The following ANKHD1 variants were observed in gnomAD, a reference collection of about 807,000 sequenced individuals.
ANKHD1 encodes ankyrin repeat and KH domain-containing protein 1.
A neutral mutation model predicts 230.5 loss-of-function variants in ANKHD1; 31 were observed. The observed-to-expected ratio is 0.13, with a 90% CI of 0.10 to 0.18. The LOEUF (loss-of-function observed/expected upper bound fraction) is 0.18, where lower values mean the gene tolerates loss of function less well. Among genes scored for constraint, ANKHD1 ranks in the 10% least tolerant of loss-of-function variants. ANKHD1 has a pLI of 1.00. For missense variants in ANKHD1, 2,256 were observed against 3,071.3 expected (o/e 0.73, Z 6.27); for synonymous variants, 1,074 against 1,117.6 (o/e 0.96, Z 0.78).
At chr5:140,489,279 A>G (rs1010130683) in intron 14 of ANKHD1, among the ~76,000 whole-genome samples, 1 of 152,072 alleles carries the variant, frequency 6.6e-6, no homozygotes, top group Non-Finnish European at 1.5e-5. Context: ...AGGCCGAGGC[A>G]GAATGATCGA....
intron 8 of ANKHD1, 137 bp downstream of exon 8, chr5:140,458,999 T>TAC (rs1775494294): frequency 9.4e-5 from 4 of 42,344 alleles, no homozygotes; most frequent in African/African-American, 2.3e-4. Flanking sequence ...TATATATGCA[T>TAC]ATATATATAT....
chr5:140,531,306 C>A, intron 29 of ANKHD1: 1 of 426,530 alleles, frequency 2.3e-6, no homozygotes, highest in South Asian at 1.6e-5. Flanking sequence ...ACCGACTGAG[C>A]GTGGTGGTTC....
intron 9 of ANKHD1, among the ~76,000 whole-genome samples, chr5:140,463,990 A>C (rs1287190192): frequency 6.6e-6 from 1 of 151,990 alleles, no homozygotes; most frequent in African/African-American, 2.4e-5. Flanking sequence ...CAAGATTTTT[A>C]CTTAAGTTCA....
At chr5:140,517,968 C>CA (rs1199079035) in intron 24 of ANKHD1, among the ~76,000 whole-genome samples, 1 of 151,550 alleles carries the variant, frequency 6.6e-6, no homozygotes, top group African/African-American at 2.4e-5. Flanking sequence ...AATAGAGACA[C>CA]AAAAAAACCC....
At chr5:140,471,742 A>G (rs1776510442) in intron 10 of ANKHD1, among the ~76,000 whole-genome samples, 2 of 152,222 alleles carry the variant, frequency 1.3e-5, no homozygotes, top group Non-Finnish European at 2.9e-5. Context: ...GAGAAAATAC[A>G]AACATTCCAT....
chr5:140,474,795 G>T (rs1177183560), intron 10 of ANKHD1, among the ~76,000 whole-genome samples: 3 of 151,494 alleles, frequency 2.0e-5, no homozygotes, highest in Non-Finnish European at 1.5e-5. Context: ...ACAAAGTCTT[G>T]CTATCTTGCC....
chr5:140,510,193 T>C lies in ANKHD1; in HGVS notation c.4104+12T>C, dbSNP rs547759629. 7 of 1,589,022 alleles carry C rather than the reference T, an allele frequency of 4.4e-6. No homozygotes were observed. Among genetic ancestry groups the C allele is most frequent in the South Asian group, 1.1e-5 (1 of 88,020 alleles). The stretch of plus-strand genomic sequence containing the variant: ...CAGCATTTCGCAAGGTAATTTGATA[T>C]GGGGGAAGAAAGGTCAATTTTAAGC... On this transcript the variant is annotated intron_variant, in intron 22 of 33. Transcript: ENST00000360839.
intron 1 of ANKHD1, among the ~76,000 whole-genome samples, chr5:140,415,390 A>T (rs953803193): frequency 1.3e-5 from 2 of 151,962 alleles, no homozygotes; most frequent in African/African-American, 4.8e-5. Context: ...TTAAGAAAAA[A>T]AAAAAGAGTT....
intron 31 of ANKHD1, 124 bp downstream of exon 31, chr5:140,537,713 AG>A: frequency 7.3e-7 from 1 of 1,374,784 alleles, no homozygotes; most frequent in Non-Finnish European, 9.5e-7. Context: ...ACACTCAATT[AG>A]GGAAGGGTGT....
intron 24 of ANKHD1, among the ~76,000 whole-genome samples, chr5:140,519,687 C>T (rs1421928506): frequency 6.6e-6 from 1 of 152,172 alleles, no homozygotes; most frequent in Non-Finnish European, 1.5e-5. Context: ...AAAGGATTCC[C>T]TATTTAATAC....
chr5:140,418,411 G>C (rs948609902), intron 1 of ANKHD1, among the ~76,000 whole-genome samples: 3 of 152,150 alleles, frequency 2.0e-5, no homozygotes, highest in Non-Finnish European at 4.4e-5. Context: ...GCCTCCCAAA[G>C]TGTTGGGATT....
Position 140,507,181 on chromosome 5 carries a change from C to T in ANKHD1, c.3551+204C>T, listed in dbSNP as rs950921962. On this transcript the variant is annotated intron_variant, in intron 19 of 33. Coordinates refer to ENST00000360839, the MANE Select transcript of ANKHD1 (RefSeq NM_017747.3). This position sits in a 1 kb window ranked among gnomAD's most constrained non-coding sequence, Gnocchi z 4.1. ...GGCTGCTTATAAAGAGGTCTCATTTCAAAAAGTGTTTTGTTCTATGGCCTA... is the reference window on the plus strand; with the variant it reads ...GGCTGCTTATAAAGAGGTCTCATTTTAAAAAGTGTTTTGTTCTATGGCCTA... 6.6e-6 allele frequency among the ~76,000 whole-genome samples: 1 copy of T among 152,168 alleles called. No homozygotes were observed. The highest frequency in any genetic ancestry group is 6.5e-5 in the Admixed American group (1 of 15,276).
rs746175836 is a variant in ANKHD1 at position 140,458,602 on chromosome 5, TCTTTA to T, written c.1243-19_1243-15del. Reference sequence around the variant, plus strand: ...AAAACAAAAAATTTCTCTCCTTCTTTCTTTACTTCTGAAAATCTGCAGGATGGACA... The same window carrying T: ...AAAACAAAAAATTTCTCTCCTTCTTTCTTCTGAAAATCTGCAGGATGGACA... On this transcript the variant is annotated intron_variant, in intron 7 of 33. Coordinates refer to ENST00000360839, the MANE Select transcript of ANKHD1 (RefSeq NM_017747.3). The T allele has an allele frequency of 6.4e-7, 1 of 1,573,942 alleles. No homozygotes were observed. The highest frequency in any genetic ancestry group is 8.7e-7 in the Non-Finnish European group (1 of 1,153,846).
intron 32 of ANKHD1, 104 bp from the exon 33 acceptor site, chr5:140,538,815 T>C: frequency 8.0e-7 from 1 of 1,250,222 alleles, no homozygotes; most frequent in Non-Finnish European, 1.0e-6. Flanking sequence ...TGGAGTTCTT[T>C]AAATGAGGAA....
intron 1 of ANKHD1, among the ~76,000 whole-genome samples, chr5:140,404,484 G>C (rs1770251421): frequency 6.6e-6 from 1 of 151,558 alleles, no homozygotes; most frequent in African/African-American, 2.4e-5. Flanking sequence ...CCAGGCTGGA[G>C]TGCGGTGGCT....
chr5:140,528,967 T>G lies in ANKHD1; in HGVS notation c.6021T>G (p.Ser2007Arg), dbSNP rs1581378463. The change falls in exon 29 of 34, where the codon AGT becomes AGG. Residue 2007 changes from serine to arginine, a missense_variant. Physicochemically the swap from Ser to Arg is moderately radical, Grantham distance 110. Around this residue, in one of 13 missense-constraint regions of ANKHD1, gnomAD observed 778 missense variants for 966.5 expected, o/e 0.80. Coordinates refer to ENST00000360839, the MANE Select transcript of ANKHD1 (RefSeq NM_017747.3). ...GQAPTTFLPA[S>R]TSQAQLSSQK... ...CTCCCACCACATTTCTACCTGCAAG[T>G]ACTTCTCAAGCACAGCTTTCTTCAC... 2.5e-6 allele frequency: 4 copies of G among 1,614,176 alleles called. No individual in the cohort carries two copies. The highest frequency in any genetic ancestry group is 1.3e-5 in the African/African-American group (1 of 75,028).
intron 7 of ANKHD1, among the ~76,000 whole-genome samples, chr5:140,453,255 AC>A (rs1774893912): frequency 6.6e-6 from 1 of 152,230 alleles, no homozygotes; most frequent in Non-Finnish European, 1.5e-5. Flanking sequence ...CCTGAAAGTG[AC>A]GGGGAGAATG....
At chr5:140,477,203 C>T (rs1026401155) in intron 10 of ANKHD1, among the ~76,000 whole-genome samples, 3 of 152,090 alleles carry the variant, frequency 2.0e-5, no homozygotes, top group African/African-American at 7.2e-5. Flanking sequence ...GAATACTCCT[C>T]CAACTGAGAA....
chr5:140,509,943 A>G (rs1388464753), intron 21 of ANKHD1, 76 bp from the exon 22 acceptor site: 1 of 1,545,838 alleles, frequency 6.5e-7, no homozygotes, highest in Non-Finnish European at 8.7e-7. Context: ...ATTTTGTAAA[A>G]GAAGAAGATA....
Sources: allele counts gnomAD v4.1 joint callset (sites outside exome capture counted in the v4.1 genomes callset), GRCh38; gene constraint gnomAD v4.1.1; regional missense constraint gnomAD v4.1.1; non-coding constraint Gnocchi (gnomAD v3.1); transcripts MANE v1.5; gene names NCBI Gene and HGNC (gene_info 2026-07-23, HGNC 2026-07-21).